DMD: variants seen among roughly 807,000 people sequenced by gnomAD.
DMD encodes the protein mutant dystrophin.
DMD carries 63 observed loss-of-function variants against 330.1 expected under a neutral mutation model. That is an observed-to-expected ratio of 0.19 (90% CI 0.16 to 0.24). The LOEUF (loss-of-function observed/expected upper bound fraction) is 0.24. Among genes scored for constraint, DMD ranks in the 10% least tolerant of loss-of-function variants. DMD has a pLI of 1.00. For synonymous variants in DMD, 1,223 were observed against 959.8 expected (o/e 1.27, Z -5.07); for missense variants, 3,344 against 2,684.1 (o/e 1.25, Z -5.43).
At chrX:32,245,724 AT>A in intron 43 of DMD, among the ~76,000 whole-genome samples, 1 of 81,173 alleles carries the variant, frequency 1.2e-5, no homozygotes. Context: ...CTTTGAAGCA[AT>A]TGTGAATGGG....
At chrX:32,766,360 TA>T (rs1183155947) in intron 7 of DMD, among the ~76,000 whole-genome samples, 2 of 111,566 alleles carry the variant, frequency 1.8e-5, no homozygotes, top group Non-Finnish European at 3.8e-5. Context: ...TTTATAAAAA[TA>T]AATGTTTAAT....
intron 42 of DMD, among the ~76,000 whole-genome samples, chrX:32,300,816 T>A (rs753892090): frequency 9.0e-6 from 1 of 110,564 alleles, no homozygotes; most frequent in East Asian, 2.8e-4. Flanking sequence ...GGAGGAAAAA[T>A]TCCAAAGCAA....
chrX:31,334,612 T>C (rs145678421), intron 61 of DMD, among the ~76,000 whole-genome samples: 1,265 of 111,858 alleles, frequency 0.011, 20 homozygotes, highest in African/African-American at 0.039. Flanking sequence ...TTCAGGTGAC[T>C]CGTTTTTGTT....
At chrX:31,689,666 A>G (rs2148805204) in intron 52 of DMD, among the ~76,000 whole-genome samples, 1 of 111,345 alleles carries the variant, frequency 9.0e-6, no homozygotes, top group Non-Finnish European at 1.9e-5. Context: ...TGCCAAGACA[A>G]TCCTGAGCCA....
At chrX:31,815,459 G>C (rs868729592) in intron 50 of DMD, among the ~76,000 whole-genome samples, 2 of 82,866 alleles carry the variant, frequency 2.4e-5, no homozygotes, top group African/African-American at 9.4e-5. Context: ...CAAAAAAAAA[G>C]AGAGAGAGAG....
chrX:31,977,846 T>C (rs1398806860), intron 44 of DMD, among the ~76,000 whole-genome samples: 1 of 109,336 alleles, frequency 9.1e-6, no homozygotes, highest in Non-Finnish European at 1.9e-5. Flanking sequence ...ATCAGTACAT[T>C]GTACAATATC....
chrX:32,127,854 G>A (rs1015568288), intron 44 of DMD, among the ~76,000 whole-genome samples: 1 of 111,980 alleles, frequency 8.9e-6, no homozygotes, highest in Non-Finnish European at 1.9e-5. Flanking sequence ...AGGAAGGGAC[G>A]AGGCATTTAT....
intron 43 of DMD, among the ~76,000 whole-genome samples, chrX:32,229,744 AATAAGT>A (rs1359680006): frequency 2.5e-5 from 2 of 81,251 alleles, no homozygotes; most frequent in Admixed American, 3.1e-4. Flanking sequence ...AGAGTTTGGG[AATAAGT>A]ATACACCCAC....
At chrX:31,719,204 T>C in intron 52 of DMD, among the ~76,000 whole-genome samples, 1 of 111,686 alleles carries the variant, frequency 9.0e-6, no homozygotes, top group Non-Finnish European at 1.9e-5. Context: ...CTAACAAGAG[T>C]CCTAATGGTT....
At chrX:31,751,684 T>C (rs1450127405) in intron 51 of DMD, among the ~76,000 whole-genome samples, 1 of 112,161 alleles carries the variant, frequency 8.9e-6, no homozygotes, top group African/African-American at 3.2e-5. Context: ...CCCACTTTTA[T>C]TCCTTGTAAT....
At chrX:32,650,827 A>G (rs906820357) in intron 9 of DMD, among the ~76,000 whole-genome samples, 1 of 112,252 alleles carries the variant, frequency 8.9e-6, no homozygotes. Context: ...CCGCATATAC[A>G]ACAGCAATAA....
chrX:33,207,347 G>A (rs942897995), intron 1 of DMD, among the ~76,000 whole-genome samples: 6 of 110,984 alleles, frequency 5.4e-5, no homozygotes, highest in African/African-American at 2.0e-4. Flanking sequence ...TGTAATATAT[G>A]AGGGAAACAG....
chrX:31,746,735 G>A (rs1239302323), intron 51 of DMD, among the ~76,000 whole-genome samples: 1 of 110,914 alleles, frequency 9.0e-6, no homozygotes, highest in Non-Finnish European at 1.9e-5. Flanking sequence ...TAATGGCTTG[G>A]AAATCCTTGT....
intron 30 of DMD, among the ~76,000 whole-genome samples, chrX:32,396,549 A>G (rs1255865162): frequency 1.8e-5 from 2 of 111,229 alleles, no homozygotes; most frequent in African/African-American, 6.5e-5. Flanking sequence ...TTCTCAGAAT[A>G]TTTATTAATA....
intron 55 of DMD, among the ~76,000 whole-genome samples, chrX:31,559,693 A>G (rs867326473): frequency 9.4e-6 from 1 of 106,851 alleles, no homozygotes; most frequent in Non-Finnish European, 1.9e-5. Context: ...TCCAGTGTAA[A>G]TTCTTTGATT....
chrX:32,693,780 G>C (rs1231430396), intron 9 of DMD, among the ~76,000 whole-genome samples: 3 of 111,507 alleles, frequency 2.7e-5, no homozygotes, highest in Non-Finnish European at 5.6e-5. Flanking sequence ...AATGAGGGTA[G>C]CCTTCACTTT....
At chrX:31,368,532 T>G (rs1418198231) in intron 60 of DMD, among the ~76,000 whole-genome samples, 1 of 111,918 alleles carries the variant, frequency 8.9e-6, no homozygotes, top group Admixed American at 9.5e-5. Context: ...ATATCCAGAT[T>G]TGTTTTCTTC....
intron 16 of DMD, among the ~76,000 whole-genome samples, chrX:32,550,739 G>C (rs1247559915): frequency 1.8e-5 from 2 of 109,234 alleles, no homozygotes; most frequent in Admixed American, 9.8e-5. Context: ...CCACTACCTA[G>C]AATAATAAAG....
chrX:31,431,080 G>A (rs763404803), intron 60 of DMD, among the ~76,000 whole-genome samples: 12 of 110,121 alleles, frequency 1.1e-4, no homozygotes, highest in African/African-American at 3.0e-4. Flanking sequence ...GATTACAGGC[G>A]TGAGCCACCG....
Sources: gnomAD v4.1 joint callset for allele counts (sites outside exome capture counted in the v4.1 genomes callset) on GRCh38, gnomAD v4.1.1 for gene constraint, MANE v1.5 for transcripts, NCBI Gene and HGNC (gene_info 2026-07-23, HGNC 2026-07-21) for gene names.